Variants in PIK3CG observed in about 807,000 individuals in gnomAD.
PIK3CG encodes phosphatidylinositol 4,5-bisphosphate 3-kinase catalytic subunit gamma isoform.
A neutral mutation model predicts 102.3 loss-of-function variants in PIK3CG; 55 were observed. The ratio of observed to expected loss-of-function variants is 0.54; its 90% confidence interval spans 0.43 to 0.67. The LOEUF (loss-of-function observed/expected upper bound fraction) is 0.67. Ranked by LOEUF, PIK3CG falls within the 30% of genes least tolerant of loss-of-function variation. The pLI, the probability that PIK3CG is intolerant of heterozygous loss-of-function variation, is 0.00. For synonymous variants in PIK3CG, 552 were observed against 540.0 expected (o/e 1.02, Z -0.31); for missense variants, 1,258 against 1,391.8 (o/e 0.90, Z 1.53).
At chr7:106,896,140 C>T (rs1791402292) in intron 10 of PIK3CG, among the ~76,000 whole-genome samples, 1 of 152,168 alleles carries the variant, frequency 6.6e-6, no homozygotes, top group South Asian at 2.1e-4. Flanking sequence ...GTGAAATAGC[C>T]TTCGAGAAAA....
In PIK3CG at chr7:106,902,864, T is replaced by C. The variant is rs1458816434; in HGVS notation, c.3031-2245T>C. 2.0e-5 allele frequency among the ~76,000 whole-genome samples: 3 copies of C among 152,150 alleles called. No individual in the cohort carries two copies. The highest frequency in any genetic ancestry group is 4.4e-5 in the Non-Finnish European group (3 of 68,022). On this transcript the variant is annotated intron_variant, in intron 10 of 10. Transcript: ENST00000496166. The surrounding 1 kb of genome is among the most constrained non-coding windows in gnomAD (Gnocchi z 4.3). ...TTAAGTTCCTGTAGTCTCACCATCT[T>C]TTCCTCATAGAGTCCACCATGGAAG...
Position 106,874,935 on chromosome 7 carries a change from C to T in PIK3CG, c.2391+132C>T. On this transcript the variant is annotated intron_variant, in intron 5 of 10. Transcript: ENST00000496166. The surrounding 1 kb of genome is among the most constrained non-coding windows in gnomAD (Gnocchi z 4.3). ...AGCTGGAGAGTCTCTGGATGGGTTT[C>T]TCATAAGCCCTTGTCTAATCACTGG... is the stretch of plus-strand genomic sequence containing the variant. The T allele has an allele frequency of 3.4e-6, 2 of 581,034 alleles. No homozygotes were observed. The highest frequency in any genetic ancestry group is 2.8e-5 in the East Asian group (1 of 35,332). The allele number at this position is 581,034 out of a possible 1,614,324, so 36.0% of individuals were successfully genotyped here.
intron 10 of PIK3CG, among the ~76,000 whole-genome samples, chr7:106,896,648 C>G (rs1791416602): frequency 6.6e-6 from 1 of 152,106 alleles, no homozygotes; most frequent in Non-Finnish European, 1.5e-5. Context: ...CAAGTGATGG[C>G]TGGGCAGCAG....
At position 106,886,244 on chromosome 7, in the gene PIK3CG, G is replaced by T. The variant is rs1238938179; in HGVS notation, c.2982G>T (p.Val994=). ...TGCTAACCCCTGACTTCCTCTTTGT[G>T]ATGGGAACTTCTGGAAAGAAGACAA... The part of the protein sequence containing the change: ...PFVLTPDFLF[V]MGTSGKKTSP... The change falls in exon 10 of 11, where the codon GTG becomes GTT. Residue 994 remains valine, a synonymous_variant. Coordinates refer to ENST00000496166, the MANE Select transcript of PIK3CG (RefSeq NM_001282426.2). The T allele has an allele frequency of 1.2e-6, 2 of 1,614,058 alleles. No individual in the cohort carries two copies. Among genetic ancestry groups the T allele is most frequent in the Admixed American group, 1.7e-5 (1 of 60,010 alleles).
intron 4 of PIK3CG, among the ~76,000 whole-genome samples, chr7:106,873,464 A>G (rs1272899714): frequency 3.9e-5 from 6 of 152,240 alleles, no homozygotes; most frequent in Non-Finnish European, 7.3e-5. Context: ...TTGCATCTGC[A>G]TTGAACATGT....
In PIK3CG at chr7:106,868,010, T is replaced by G. The variant is rs777098032; in HGVS notation, c.449T>G (p.Phe150Cys). The G allele has an allele frequency of 1.2e-6, 2 of 1,612,122 alleles. No individual in the cohort carries two copies. Among genetic ancestry groups the G allele is most frequent in the East Asian group, 4.5e-5 (2 of 44,796 alleles). ...CCGCCCTCCGAGGAGTCCCAAGCCT[T>G]CCAGCGGCAGCTCACGGCGCTGATT... is the stretch of plus-strand genomic sequence containing the variant. ...RHPPSEESQA[F>C]QRQLTALIGY... The change falls in exon 2 of 11, where the codon TTC becomes TGC. Residue 150 changes from phenylalanine (F) to cysteine (C), a missense_variant. This residue lies in a region of PIK3CG where 832 missense variants were observed against 787.5 expected (regional missense o/e 1.06). Coordinates refer to ENST00000496166, the MANE Select transcript of PIK3CG (RefSeq NM_001282426.2). This position sits in a 1 kb window ranked among gnomAD's most constrained non-coding sequence, Gnocchi z 6.2.
rs1791085926 is a variant in PIK3CG at position 106,886,227 on chromosome 7, C to T, written c.2965C>T (p.Pro989Ser). Residue 989 changes from proline (P) to serine (S), a missense_variant, in exon 10 of 11, where the codon CCT (proline) becomes TCT (serine). This residue lies in a region of PIK3CG where 426 missense variants were observed against 604.2 expected (regional missense o/e 0.71). Transcript: ENST00000496166. ...NKERVPFVLT[P>S]DFLFVMGTSG... ...AGAGAGAGTGCCATTTGTGCTAACC[C>T]CTGACTTCCTCTTTGTGATGGGAAC... 2 of 1,614,114 alleles carry T rather than the reference C, an allele frequency of 1.2e-6. No individual in the cohort carries two copies. The highest frequency in any genetic ancestry group is 1.7e-6 in the Non-Finnish European group (2 of 1,179,988).
rs2116446949 is a variant in PIK3CG, at chr7:106,868,682, C to A, written c.1121C>A (p.Pro374His). 6.2e-7 allele frequency: 1 copy of A among 1,614,224 alleles called. No homozygotes were observed. The highest frequency in any genetic ancestry group is 1.1e-5 in the South Asian group (1 of 91,084). The change falls in exon 2 of 11, where the codon CCT (proline) becomes CAT (histidine). Residue 374 changes from proline (P) to histidine (H), a missense_variant. By Grantham distance (77) the Pro-to-His change is moderately conservative. This residue lies in a region of PIK3CG where 832 missense variants were observed against 787.5 expected (regional missense o/e 1.06). Transcript: ENST00000496166. The surrounding 1 kb of genome is among the most constrained non-coding windows in gnomAD (Gnocchi z 6.2). Reference protein sequence around the residue: ...KIRGIDIPVLPRNTDLTVFVE... With the variant: ...KIRGIDIPVLHRNTDLTVFVE... Reference sequence around the variant, plus strand: ...AGAGGCATTGATATCCCCGTCCTGCCTCGGAACACCGACCTCACAGTTTTT... The same window carrying A: ...AGAGGCATTGATATCCCCGTCCTGCATCGGAACACCGACCTCACAGTTTTT...
rs2116431398 is a variant in PIK3CG at position 106,868,126 on chromosome 7, G to A, written c.565G>A (p.Ala189Thr). 6.2e-7 allele frequency: 1 copy of A among 1,612,916 alleles called. No individual in the cohort carries two copies. Among genetic ancestry groups the A allele is most frequent in the Non-Finnish European group, 8.5e-7 (1 of 1,179,712 alleles). The change falls in exon 2 of 11, where the codon GCC becomes ACC. Residue 189 changes from alanine (A) to threonine (T), a missense_variant. Coordinates refer to ENST00000496166, the MANE Select transcript of PIK3CG (RefSeq NM_001282426.2). The surrounding 1 kb of genome is among the most constrained non-coding windows in gnomAD (Gnocchi z 6.2). ...GGTGACCCCGCGCATGGCGGAGGTGGCCAGCCGCGACCCCAAGCTCTACGC... is the reference window on the plus strand; with the variant it reads ...GGTGACCCCGCGCATGGCGGAGGTGACCAGCCGCGACCCCAAGCTCTACGC... ...GLVTPRMAEV[A>T]SRDPKLYAMH...
At chr7:106,901,661 G>T (rs551059334) in intron 10 of PIK3CG, among the ~76,000 whole-genome samples, 1 of 152,326 alleles carries the variant, frequency 6.6e-6, no homozygotes, top group East Asian at 1.9e-4. Flanking sequence ...GAGAGTTCTT[G>T]TGTTGGTCCT....
rs564420426 is a variant in PIK3CG, at chr7:106,907,947, C to T, written c.*2560C>T. 5.9e-5 allele frequency among the ~76,000 whole-genome samples: 9 copies of T among 151,806 alleles called. No individual in the cohort carries two copies. In the East Asian group the frequency reaches 1.7e-3, roughly 29 times the overall value. ...AAATAAAAATCATCTTTGTGGGCTT[C>T]CTTCCTTTACTGTTCGCAGTGAATT... On this transcript the variant is annotated 3_prime_UTR_variant, in exon 11 of 11. Coordinates refer to ENST00000496166, the MANE Select transcript of PIK3CG (RefSeq NM_001282426.2).
chr7:106,894,566 A>G lies in PIK3CG; in HGVS notation c.3030+8274A>G, dbSNP rs1479348343. On this transcript the variant is annotated intron_variant, in intron 10 of 10. Transcript: ENST00000496166. This position sits in a 1 kb window ranked among gnomAD's most constrained non-coding sequence, Gnocchi z 4.4. ...ATCAGTGACCTTCTCTGTTTTGCCA[A>G]AATAATTCCTAAAGACTGGCTAGCC... Among the ~76,000 whole-genome samples, 1 of 152,214 alleles carries G rather than the reference A, an allele frequency of 6.6e-6. No homozygotes were observed. Among genetic ancestry groups the G allele is most frequent in the African/African-American group, 2.4e-5 (1 of 41,460 alleles).
rs1374286856 is a variant in PIK3CG at position 106,891,189 on chromosome 7, G to A, written c.3030+4897G>A. ...TAGTGGAGGGACAGCACCTTGTAGGGGAGGAGCTGGATCAAACTGGATAAC... is the reference window on the plus strand; with the variant it reads ...TAGTGGAGGGACAGCACCTTGTAGGAGAGGAGCTGGATCAAACTGGATAAC... On this transcript the variant is annotated intron_variant, in intron 10 of 10. Coordinates refer to ENST00000496166, the MANE Select transcript of PIK3CG (RefSeq NM_001282426.2). The surrounding 1 kb of genome is among the most constrained non-coding windows in gnomAD (Gnocchi z 4.4). Among the ~76,000 whole-genome samples, 1 of 152,178 alleles carries A rather than the reference G, an allele frequency of 6.6e-6. No homozygotes were observed. Among genetic ancestry groups the A allele is most frequent in the Non-Finnish European group, 1.5e-5 (1 of 68,024 alleles).
chr7:106,906,291 T>C lies in PIK3CG; in HGVS notation c.*904T>C, dbSNP rs1791683055. The C allele has an allele frequency of 4.4e-6, 1 of 229,426 alleles. No individual in the cohort carries two copies. Among genetic ancestry groups the C allele is most frequent in the Non-Finnish European group, 8.6e-6 (1 of 116,018 alleles). The allele number at this position is 229,426 out of a possible 1,614,324, so 14.2% of individuals were successfully genotyped here. A position where few individuals can be genotyped will look rare whatever the true frequency, so the allele number is the denominator to read the frequency against. On this transcript the variant is annotated 3_prime_UTR_variant, in exon 11 of 11. Coordinates refer to ENST00000496166, the MANE Select transcript of PIK3CG (RefSeq NM_001282426.2). ...TATAACTCAAAAATTAGTTGAAAAA[T>C]AATTACTTCTCAAGGATTATTAGAA...
intron 10 of PIK3CG, among the ~76,000 whole-genome samples, chr7:106,889,967 A>G (rs551888778): frequency 2.0e-5 from 3 of 152,366 alleles, no homozygotes; most frequent in South Asian, 4.1e-4. Context: ...CAATGGTGAC[A>G]ATTTTGATAA....
intron 4 of PIK3CG, among the ~76,000 whole-genome samples, chr7:106,873,921 G>A (rs967386174): frequency 2.0e-5 from 3 of 151,920 alleles, no homozygotes; most frequent in African/African-American, 7.3e-5. Context: ...TCCTGGTCTG[G>A]TAAACTGTAT....
Position 106,867,482 on chromosome 7 carries a change from A to AT in PIK3CG, c.-12-67dup, listed in dbSNP as rs1714504480. ...CGCCGCCTATACCTCCTCTTCCCTC[A>AT]TCTCACCAGAAAATATAAGGGGAAA... is the stretch of plus-strand genomic sequence containing the variant. On this transcript the variant is annotated intron_variant, in intron 1 of 10. Coordinates refer to ENST00000496166, the MANE Select transcript of PIK3CG (RefSeq NM_001282426.2). The surrounding 1 kb of genome is among the most constrained non-coding windows in gnomAD (Gnocchi z 5.1). 1.4e-6 allele frequency: 2 copies of AT among 1,413,302 alleles called. No homozygotes were observed. The highest frequency in any genetic ancestry group is 2.9e-5 in the African/African-American group (2 of 69,688). 87.5% of individuals were successfully genotyped at this position (1,413,302 alleles called of 1,614,324 possible).
rs757849968 is a variant in PIK3CG, at chr7:106,869,215, C to T, written c.1654C>T (p.Arg552Cys). 3.1e-6 allele frequency: 5 copies of T among 1,614,214 alleles called. No individual in the cohort carries two copies. Among genetic ancestry groups the T allele is most frequent in the South Asian group, 1.1e-5 (1 of 91,088 alleles). Residue 552 changes from arginine to cysteine, a missense_variant, in exon 2 of 11, where the codon CGC (arginine) becomes TGC (cysteine). By Grantham distance (180) the Arg-to-Cys change is radical. Transcript: ENST00000496166. This position sits in a 1 kb window ranked among gnomAD's most constrained non-coding sequence, Gnocchi z 5.3. Reference sequence around the variant, plus strand: ...TCGAGCAGAAATGCCCAACCAGCTTCGCAAGCAATTGGAGGCGATCATAGC... The same window carrying T: ...TCGAGCAGAAATGCCCAACCAGCTTTGCAAGCAATTGGAGGCGATCATAGC... ...RVRAEMPNQL[R>C]KQLEAIIATD...
At chr7:106,882,957 C>CA in intron 7 of PIK3CG, 76 bp from the exon 8 acceptor site, 1 of 884,534 alleles carries the variant, frequency 1.1e-6, no homozygotes, top group Non-Finnish European at 1.7e-6. Context: ...CTTCACTCAA[C>CA]AAAGACATAG....
Sources: gnomAD v4.1 joint callset for allele counts (sites outside exome capture counted in the v4.1 genomes callset) on GRCh38, gnomAD v4.1.1 for gene constraint, gnomAD v4.1.1 regional missense constraint, Gnocchi (gnomAD v3.1) non-coding constraint, MANE v1.5 for transcripts, NCBI Gene and HGNC (gene_info 2026-07-23, HGNC 2026-07-21) for gene names.